Variants in ARHGAP42 observed in about 807,000 individuals in gnomAD.
The protein encoded by ARHGAP42 is Rho GTPase activating protein 42.
In ARHGAP42, 63 loss-of-function variants were observed where a neutral mutation model predicts 125.0. That is an observed-to-expected ratio of 0.50 (90% CI 0.41 to 0.62). The LOEUF (loss-of-function observed/expected upper bound fraction) is 0.62, where lower values mean the gene tolerates loss of function less well. ARHGAP42 is among the 20% of genes least tolerant of loss of function. The pLI is 0.00. For missense variants in ARHGAP42, 766 were observed against 1,024.2 expected (o/e 0.75, Z 3.44); for synonymous variants, 339 against 351.0 (o/e 0.97, Z 0.38).
intron 2 of ARHGAP42, among the ~76,000 whole-genome samples, chr11:100,773,900 A>T (rs1329511287): frequency 6.6e-6 from 1 of 152,208 alleles, no homozygotes; most frequent in African/African-American, 2.4e-5. Flanking sequence ...ACACAAGCAG[A>T]TGTAATGTTG....
chr11:100,864,726 T>C (rs1169001038), intron 4 of ARHGAP42, among the ~76,000 whole-genome samples: 1 of 152,146 alleles, frequency 6.6e-6, no homozygotes, highest in Non-Finnish European at 1.5e-5. Flanking sequence ...AGCAACTCTG[T>C]TGTGAAATAC....
At position 100,921,202 on chromosome 11, in the gene ARHGAP42, AATATATATATACATATATATAT is replaced by A. The variant is rs375370105; in HGVS notation, c.487-280_487-259del. ...ATTTACATTTATATACCCCTCTTGT[AATATATATATACATATATATAT>A]ATATATATATATATATATATATTTT... On this transcript the variant is annotated intron_variant, in intron 5 of 23. Transcript: ENST00000298815. Among the ~76,000 whole-genome samples, 110 of 39,262 alleles carry A rather than the reference AATATATATATACATATATATAT, an allele frequency of 2.8e-3. 1 individual carries two copies. The highest frequency in any genetic ancestry group is 9.4e-3 in the African/African-American group (90 of 9,524). The allele number at this position is 39,262 out of a possible 152,430, so 25.8% of individuals were successfully genotyped here. A position where few individuals can be genotyped will look rare whatever the true frequency, so the allele number is the denominator to read the frequency against.
chr11:100,751,279 G>GT (rs71465331), intron 1 of ARHGAP42, among the ~76,000 whole-genome samples: 1,115 of 93,402 alleles, frequency 0.012, 12 homozygotes, highest in East Asian at 0.025. Flanking sequence ...GTGTGTGTGT[G>GT]TTTTTTTTTT....
intron 2 of ARHGAP42, among the ~76,000 whole-genome samples, chr11:100,778,976 C>G (rs1049875809): frequency 1.3e-5 from 2 of 152,044 alleles, no homozygotes; most frequent in Admixed American, 1.3e-4. Context: ...ATTATATGCT[C>G]TTTGAGGTCT....
chr11:100,987,589 A>G lies in ARHGAP42; in HGVS notation c.2533A>G (p.Asn845Asp). The G allele has an allele frequency of 6.4e-7, 1 of 1,551,134 alleles. No homozygotes were observed. Among genetic ancestry groups the G allele is most frequent in the Non-Finnish European group, 8.7e-7 (1 of 1,146,508 alleles). The stretch of plus-strand genomic sequence containing the variant: ...CTTCCCACAAGGAGCAATATTTTCT[A>G]ATGGTAAGTATGTCAATTCCCTCTG... ...LSFPQGAIFS[N>D]VYPSVEPGWL... The change falls in exon 23 of 24, where the codon AAT (asparagine) becomes GAT (aspartate). Residue 845 changes from asparagine (N) to aspartate (D), a missense_variant. Around this residue, in one of 3 missense-constraint regions of ARHGAP42, gnomAD observed 308 missense variants for 369.7 expected, o/e 0.83. Transcript: ENST00000298815.
Position 100,811,590 on chromosome 11 carries a change from C to T in ARHGAP42, c.312+16424C>T, listed in dbSNP as rs61890786. ...TGTGATCTCGGCTCACTTCAACTCC[C>T]CCGGGCTCAAGTGATTCTTCTGCCT... is the stretch of plus-strand genomic sequence containing the variant. On this transcript the variant is annotated intron_variant, in intron 3 of 23. Transcript: ENST00000298815. Among the ~76,000 whole-genome samples, 3 of 149,268 alleles carry T rather than the reference C, an allele frequency of 2.0e-5. No homozygotes were observed. In the South Asian group the frequency reaches 6.5e-4, roughly 32 times the overall value.
chr11:100,796,787 T>C (rs868390435), intron 3 of ARHGAP42, among the ~76,000 whole-genome samples: 1,352 of 123,168 alleles, frequency 0.011, 16 homozygotes, highest in African/African-American at 0.036. Context: ...TTTTTTTTTT[T>C]CAGACAGAGT....
intron 4 of ARHGAP42, among the ~76,000 whole-genome samples, chr11:100,871,502 C>T (rs937254625): frequency 1.8e-4 from 26 of 147,008 alleles, no homozygotes; most frequent in African/African-American, 6.1e-4. Context: ...GCCGAGATTG[C>T]GCCACTGCAC....
intron 6 of ARHGAP42, among the ~76,000 whole-genome samples, chr11:100,928,716 G>T (rs1867494632): frequency 6.6e-6 from 1 of 152,012 alleles, no homozygotes; most frequent in Non-Finnish European, 1.5e-5. Context: ...AAAATTTAAA[G>T]CATTTTCATC....
intron 1 of ARHGAP42, among the ~76,000 whole-genome samples, chr11:100,740,986 G>T (rs1197015533): frequency 1.3e-5 from 2 of 152,124 alleles, no homozygotes; most frequent in Non-Finnish European, 2.9e-5. Flanking sequence ...CTGACTGTAA[G>T]GCTCCTTTGC....
At chr11:100,922,121 T>C (rs1417655133) in intron 6 of ARHGAP42, among the ~76,000 whole-genome samples, 1 of 152,158 alleles carries the variant, frequency 6.6e-6, no homozygotes, top group Non-Finnish European at 1.5e-5. Context: ...AGGATGTGCA[T>C]TATCTATAGA....
At position 100,980,559 on chromosome 11, in the gene ARHGAP42, C is replaced by CTTCTTTTTTTTTTTTTTTTTTTTTTTTTT; in HGVS notation, c.2456+1512_2456+1513insCTTTTTTTTTTTTTTTTTTTTTTTTTTTT. On this transcript the variant is annotated intron_variant, in intron 22 of 23. Transcript: ENST00000298815. The stretch of plus-strand genomic sequence containing the variant: ...TCAAATCATACTTCTTTTTCTTCTT[C>CTTCTTTTTTTTTTTTTTTTTTTTTTTTTT]TTTTTTTTTTTTTTTTTTTTTTTTT... 8.5e-4 allele frequency among the ~76,000 whole-genome samples: 44 copies of CTTCTTTTTTTTTTTTTTTTTTTTTTTTTT among 51,948 alleles called. 8 individuals carry two copies. The highest frequency in any genetic ancestry group is 1.7e-3 in the East Asian group (2 of 1,164). 34.1% of individuals were successfully genotyped at this position (51,948 alleles called of 152,430 possible). A position where few individuals can be genotyped will look rare whatever the true frequency, so the allele number is the denominator to read the frequency against.
intron 1 of ARHGAP42, among the ~76,000 whole-genome samples, chr11:100,736,879 T>G (rs1272479163): frequency 6.6e-6 from 1 of 152,168 alleles, no homozygotes; most frequent in African/African-American, 2.4e-5. Context: ...GATCAAGGCT[T>G]TACATATAAC....
At chr11:100,871,717 A>G (rs1203012711) in intron 4 of ARHGAP42, among the ~76,000 whole-genome samples, 1 of 152,208 alleles carries the variant, frequency 6.6e-6, no homozygotes, top group Non-Finnish European at 1.5e-5. Context: ...AGGAAGTGTC[A>G]GCATTTGCTG....
At chr11:100,786,459 T>G (rs1003199298) in intron 2 of ARHGAP42, among the ~76,000 whole-genome samples, 1 of 152,184 alleles carries the variant, frequency 6.6e-6, no homozygotes, top group Non-Finnish European at 1.5e-5. Context: ...TGTTGTCCTT[T>G]TTGCATTTGC....
intron 12 of ARHGAP42, among the ~76,000 whole-genome samples, chr11:100,956,989 T>C (rs1169994408): frequency 2.0e-5 from 3 of 152,146 alleles, no homozygotes; most frequent in Admixed American, 6.6e-5. Flanking sequence ...TGCATTCTTC[T>C]CTAGTCAATA....
At chr11:100,926,406 A>G (rs1327606080) in intron 6 of ARHGAP42, among the ~76,000 whole-genome samples, 1 of 152,220 alleles carries the variant, frequency 6.6e-6, no homozygotes, top group Non-Finnish European at 1.5e-5. Flanking sequence ...ACACTTAACT[A>G]CAGAGATTAA....
chr11:100,841,278 A>G (rs1281298734), intron 3 of ARHGAP42, among the ~76,000 whole-genome samples: 1 of 151,992 alleles, frequency 6.6e-6, no homozygotes, highest in Non-Finnish European at 1.5e-5. Context: ...TTACTTGTTG[A>G]GTTATTGACA....
At position 100,988,846 on chromosome 11, in the gene ARHGAP42, G is replaced by T; in HGVS notation, c.*45G>T. On this transcript the variant is annotated 3_prime_UTR_variant, in exon 24 of 24. Transcript: ENST00000298815. ...GTATCTTCATGGTATCCATGGTAAC[G>T]AATAAATGCTATGATTTTATCTGAC... 7.2e-7 allele frequency: 1 copy of T among 1,384,280 alleles called. No homozygotes were observed. The highest frequency in any genetic ancestry group is 1.3e-5 in the South Asian group (1 of 78,628). 85.7% of individuals were successfully genotyped at this position (1,384,280 alleles called of 1,614,324 possible).
Sources: allele counts gnomAD v4.1 joint callset (sites outside exome capture counted in the v4.1 genomes callset), GRCh38; gene constraint gnomAD v4.1.1; regional missense constraint gnomAD v4.1.1; transcripts MANE v1.5; gene names NCBI Gene and HGNC (gene_info 2026-07-23, HGNC 2026-07-21).